The following WASHC3 variants were observed in gnomAD, a reference collection of about 807,000 sequenced individuals.
WASHC3 encodes WASH complex subunit CCDC53.
Under a neutral mutation model 26.1 loss-of-function variants are expected in WASHC3, and 24 were observed. That is an observed-to-expected ratio of 0.92 (90% CI 0.66 to 1.29). The LOEUF is 1.29. WASHC3 is among the 50% of genes most tolerant of loss of function. The pLI is 0.00. For missense variants in WASHC3, 214 were observed against 229.6 expected (o/e 0.93, Z 0.44); for synonymous variants, 77 against 75.7 (o/e 1.02, Z -0.09).
chr12:102,039,997 G>A lies in WASHC3; in HGVS notation c.325-19C>T, dbSNP rs772915021. ...TGTTCTGCTGTAGAGAGTATTTGGT[G>A]TAAATCTTTAGACAATTTACAAAAG... On this transcript the variant is annotated intron_variant, in intron 4 of 6. Coordinates refer to ENST00000240079, the MANE Select transcript of WASHC3 (RefSeq NM_016053.4). The A allele has an allele frequency of 5.7e-6, 7 of 1,233,046 alleles. No homozygotes were observed. The East Asian group carries it at 1.2e-4, about 21-fold the overall frequency. The allele number at this position is 1,233,046 out of a possible 1,614,324, so 76.4% of individuals were successfully genotyped here. A position where few individuals can be genotyped will look rare whatever the true frequency, so the allele number is the denominator to read the frequency against.
At chr12:102,030,645 C>CACTT in intron 5 of WASHC3, among the ~76,000 whole-genome samples, 1 of 152,122 alleles carries the variant, frequency 6.6e-6, no homozygotes, top group African/African-American at 2.4e-5. Context: ...AATTAAATGT[C>CACTT]ACTAAGGATG....
At chr12:102,061,863 C>T in intron 1 of WASHC3, 49 bp downstream of exon 1, 1 of 1,516,636 alleles carries the variant, frequency 6.6e-7, no homozygotes, top group South Asian at 1.2e-5. Flanking sequence ...CTGCGTCTTC[C>T]CCATCCTCCT....
chr12:102,033,097 A>C (rs1877501433), intron 5 of WASHC3, among the ~76,000 whole-genome samples: 1 of 152,094 alleles, frequency 6.6e-6, no homozygotes, highest in Admixed American at 6.5e-5. Flanking sequence ...AAGTGAAGCA[A>C]GGCACATATA....
intron 4 of WASHC3, among the ~76,000 whole-genome samples, chr12:102,041,881 G>A (rs1449128989): frequency 6.6e-6 from 1 of 151,906 alleles, no homozygotes; most frequent in Non-Finnish European, 1.5e-5. Flanking sequence ...GATATACCAG[G>A]TTATTCTGAA....
Position 102,046,097 on chromosome 12 carries a change from C to A in WASHC3, c.173G>T (p.Arg58Leu). ...CEEKLADLSL[R>L]IQQIETTLNI... ...GAGAGTTGTTTCAATTTGTTGGATACGAAGTGAAAGGTCTGCCAGTTTCTG... is the reference window on the plus strand; with the variant it reads ...GAGAGTTGTTTCAATTTGTTGGATAAGAAGTGAAAGGTCTGCCAGTTTCTG... The change falls in exon 3 of 7, where the codon CGT becomes CTT. Residue 58 changes from arginine (R) to leucine (L), a missense_variant. Physicochemically the swap from Arg to Leu is moderately radical, Grantham distance 102. Coordinates refer to ENST00000240079, the MANE Select transcript of WASHC3 (RefSeq NM_016053.4). The A allele has an allele frequency of 6.3e-7, 1 of 1,594,880 alleles. No individual in the cohort carries two copies.
chr12:102,061,783 A>G, intron 1 of WASHC3, 129 bp downstream of exon 1: 2 of 720,454 alleles, frequency 2.8e-6, no homozygotes, highest in African/African-American at 3.6e-5. Flanking sequence ...CTGAGGCCCC[A>G]CAGGCCTGTC....
chr12:102,034,215 G>C (rs1012939390), intron 5 of WASHC3, among the ~76,000 whole-genome samples: 1 of 152,074 alleles, frequency 6.6e-6, no homozygotes, highest in Non-Finnish European at 1.5e-5. Flanking sequence ...CACATTTTCA[G>C]AGTGAACAAC....
chr12:102,054,353 T>G (rs1878508187), intron 2 of WASHC3, among the ~76,000 whole-genome samples: 1 of 152,144 alleles, frequency 6.6e-6, no homozygotes, highest in African/African-American at 2.4e-5. Context: ...ACTTCACCTT[T>G]AAAAAATGGA....
Position 102,039,855 on chromosome 12 carries a change from C to A in WASHC3, c.435+13G>T. 7.8e-7 allele frequency: 1 copy of A among 1,288,500 alleles called. No individual in the cohort carries two copies. Among genetic ancestry groups the A allele is most frequent in the Non-Finnish European group, 1.1e-6 (1 of 884,870 alleles). 79.8% of individuals were successfully genotyped at this position (1,288,500 alleles called of 1,614,324 possible). A position where few individuals can be genotyped will look rare whatever the true frequency, so the allele number is the denominator to read the frequency against. ...AGGCTGCTACACAAAGAAGACAGACCAAGTTAGCTTACCACTTGAACCATT... is the reference window on the plus strand; with the variant it reads ...AGGCTGCTACACAAAGAAGACAGACAAAGTTAGCTTACCACTTGAACCATT... On this transcript the variant is annotated intron_variant, in intron 5 of 6. Transcript: ENST00000240079.
intron 2 of WASHC3, among the ~76,000 whole-genome samples, chr12:102,058,418 A>T (rs1034331295): frequency 1.3e-5 from 2 of 152,164 alleles, no homozygotes; most frequent in Non-Finnish European, 2.9e-5. Flanking sequence ...AATAAATGGG[A>T]TTACATCACA....
intron 4 of WASHC3, among the ~76,000 whole-genome samples, chr12:102,042,457 A>G (rs1877977361): frequency 6.6e-6 from 1 of 152,148 alleles, no homozygotes. Context: ...GTAGTGTAGT[A>G]TAGTGTAGTG....
chr12:102,018,109 A>C (rs1450418795), intron 6 of WASHC3, among the ~76,000 whole-genome samples: 1 of 152,220 alleles, frequency 6.6e-6, no homozygotes, highest in East Asian at 1.9e-4. Context: ...ATGTCCTAAA[A>C]GTCCATCTAT....
At chr12:102,061,106 C>T in intron 2 of WASHC3, 142 bp downstream of exon 2, 1 of 615,662 alleles carries the variant, frequency 1.6e-6, no homozygotes, top group South Asian at 2.0e-5. Flanking sequence ...AAAAGAGAAC[C>T]TAAGATGTGT....
chr12:102,057,950 A>AATACATTAC (rs1878659184), intron 2 of WASHC3, among the ~76,000 whole-genome samples: 1 of 152,078 alleles, frequency 6.6e-6, no homozygotes, highest in Non-Finnish European at 1.5e-5. Flanking sequence ...CTGAACAGGC[A>AATACATTAC]ATGCAATATT....
intron 6 of WASHC3, among the ~76,000 whole-genome samples, chr12:102,014,436 A>C (rs1349400290): frequency 6.6e-6 from 1 of 152,116 alleles, no homozygotes; most frequent in African/African-American, 2.4e-5. Context: ...GACTCTTATT[A>C]AACATTTAGG....
At chr12:102,049,601 C>T (rs558777178) in intron 2 of WASHC3, among the ~76,000 whole-genome samples, 1 of 151,934 alleles carries the variant, frequency 6.6e-6, no homozygotes, top group Non-Finnish European at 1.5e-5. Flanking sequence ...TATGGAGTTA[C>T]TAGTTGAATA....
rs1391415928 is a variant in WASHC3 at position 102,044,149 on chromosome 12, C to A, written c.280G>T (p.Val94Phe). Reference sequence around the variant, plus strand: ...GCTTCAGGATGTGCTCCATTTGTGACACTGGTGACATTTAAAGGAGATACT... The same window carrying A: ...GCTTCAGGATGTGCTCCATTTGTGAAACTGGTGACATTTAAAGGAGATACT... ...VEVSPLNVTS[V>F]TNGAHPEATS... The change falls in exon 4 of 7, where the codon GTC (valine) becomes TTC (phenylalanine). Residue 94 changes from valine to phenylalanine, a missense_variant. Transcript: ENST00000240079. The A allele has an allele frequency of 1.9e-6, 3 of 1,610,302 alleles. No individual in the cohort carries two copies. The highest frequency in any genetic ancestry group is 2.5e-6 in the Non-Finnish European group (3 of 1,178,010).
intron 5 of WASHC3, among the ~76,000 whole-genome samples, chr12:102,029,673 T>C (rs1877348784): frequency 6.6e-6 from 1 of 152,224 alleles, no homozygotes; most frequent in Admixed American, 6.5e-5. Flanking sequence ...ACTTTCCTTG[T>C]TTAAAAATAA....
At chr12:102,016,634 T>A (rs1315175114) in intron 6 of WASHC3, among the ~76,000 whole-genome samples, 2 of 152,210 alleles carry the variant, frequency 1.3e-5, no homozygotes, top group African/African-American at 2.4e-5. Flanking sequence ...AGCAGATTCA[T>A]GCCTGTTATT....
Sources: gnomAD v4.1 joint callset for allele counts (sites outside exome capture counted in the v4.1 genomes callset) on GRCh38, gnomAD v4.1.1 for gene constraint, MANE v1.5 for transcripts, NCBI Gene and HGNC (gene_info 2026-07-23, HGNC 2026-07-21) for gene names.